Variants in MAGI2 observed in about 807,000 individuals in gnomAD.
MAGI2 encodes the protein membrane associated guanylate kinase, WW and PDZ domain containing 2.
Under a neutral mutation model 133.3 loss-of-function variants are expected in MAGI2, and 35 were observed. The ratio of observed to expected loss-of-function variants is 0.26; its 90% confidence interval spans 0.20 to 0.35. MAGI2 has a LOEUF of 0.35. Among genes scored for constraint, MAGI2 ranks in the 10% least tolerant of loss-of-function variants. The pLI is 1.00. For missense variants in MAGI2, 1,636 were observed against 1,863.4 expected (o/e 0.88, Z 2.25); for synonymous variants, 729 against 710.6 (o/e 1.03, Z -0.41).
Position 78,160,009 on chromosome 7 carries a change from A to T in MAGI2, c.2845+16T>A. On this transcript the variant is annotated intron_variant, in intron 16 of 21. Coordinates refer to ENST00000354212, the MANE Select transcript of MAGI2 (RefSeq NM_012301.4). ...CAAGACCCCTTATTCAAATGCAGGCAAATTTCAGCACTTACTTATAGTGGA... is the reference window on the plus strand; with the variant it reads ...CAAGACCCCTTATTCAAATGCAGGCTAATTTCAGCACTTACTTATAGTGGA... 6.5e-7 allele frequency: 1 copy of T among 1,531,880 alleles called. No individual in the cohort carries two copies. The allele number at this position is 1,531,880 out of a possible 1,614,324, so 94.9% of individuals were successfully genotyped here.
rs191070671 is a variant in MAGI2, at chr7:79,166,345, G to A, written c.302-159139C>T. 5.3e-5 allele frequency among the ~76,000 whole-genome samples: 8 copies of A among 152,168 alleles called. No homozygotes were observed. The South Asian group carries it at 6.2e-4, about 12-fold the overall frequency. On this transcript the variant is annotated intron_variant, in intron 1 of 21. Transcript: ENST00000354212. ...TTCAAAGAAAACTGTCAGGGAACAC[G>A]ACAGCCCATAAGAAGGCAGGGACCC...
At chr7:79,184,748 C>G (rs1292325184) in intron 1 of MAGI2, among the ~76,000 whole-genome samples, 1 of 151,652 alleles carries the variant, frequency 6.6e-6, no homozygotes, top group Non-Finnish European at 1.5e-5. Context: ...GCATTAACTG[C>G]AATTCTGATT....
chr7:78,345,704 C>T, intron 8 of MAGI2: 1 of 573,730 alleles, frequency 1.7e-6, no homozygotes, highest in Non-Finnish European at 3.1e-6. Context: ...ACATGCTGTA[C>T]ATTCCTATAA....
chr7:79,006,770 A>C (rs1376543735), intron 2 of MAGI2: 4 of 208,146 alleles, frequency 1.9e-5, no homozygotes, highest in Admixed American at 1.8e-4. Flanking sequence ...CCCAATGTGG[A>C]GTTCTATCTC....
At chr7:78,165,983 G>A (rs1825584051) in intron 15 of MAGI2, among the ~76,000 whole-genome samples, 1 of 152,128 alleles carries the variant, frequency 6.6e-6, no homozygotes, top group Non-Finnish European at 1.5e-5. Context: ...AAGGAAGAGT[G>A]GGCTGAATAA....
At chr7:79,356,168 G>T (rs1842006518) in intron 1 of MAGI2, among the ~76,000 whole-genome samples, 1 of 152,176 alleles carries the variant, frequency 6.6e-6, no homozygotes, top group East Asian at 1.9e-4. Flanking sequence ...ATGAAAAAAG[G>T]TTAATTCATA....
intron 9 of MAGI2, among the ~76,000 whole-genome samples, chr7:78,319,252 A>T (rs1437764219): frequency 2.6e-5 from 4 of 152,222 alleles, no homozygotes; most frequent in Admixed American, 6.5e-5. Flanking sequence ...CATAGGCTCA[A>T]AATAAAGGGA....
chr7:78,187,137 TAACTA>T (rs1474686513), intron 12 of MAGI2, among the ~76,000 whole-genome samples: 2 of 152,238 alleles, frequency 1.3e-5, no homozygotes, highest in Admixed American at 6.5e-5. Context: ...AGATAAAAAT[TAACTA>T]AACATTACTA....
chr7:78,045,145 G>A (rs1811292054), intron 21 of MAGI2, among the ~76,000 whole-genome samples: 1 of 152,246 alleles, frequency 6.6e-6, no homozygotes, highest in Admixed American at 6.5e-5. Flanking sequence ...CTAGCCTGGC[G>A]ATAGAGCGAG....
rs1794225310 is a variant in MAGI2 at position 78,374,291 on chromosome 7, G to C, written c.1046-5078C>G. Among the ~76,000 whole-genome samples the C allele has an allele frequency of 2.0e-5, 3 of 152,038 alleles. No individual in the cohort carries two copies. In the South Asian group the frequency reaches 6.2e-4, roughly 31 times the overall value. On this transcript the variant is annotated intron_variant, in intron 6 of 21. Transcript: ENST00000354212. ...GTAGGATGGTATCCTTTTGTGGTTT[G>C]AGTTGTGTTTCTCTGATGATTAGTG...
intron 3 of MAGI2, among the ~76,000 whole-genome samples, chr7:78,564,609 G>A (rs113829481): frequency 2.4e-4 from 37 of 151,966 alleles, no homozygotes; most frequent in Admixed American, 3.9e-4. Context: ...CTTAACTGTC[G>A]TCTCTTATAT....
intron 1 of MAGI2, among the ~76,000 whole-genome samples, chr7:79,388,946 AC>A (rs1017696775): frequency 6.6e-6 from 1 of 151,732 alleles, no homozygotes; most frequent in Non-Finnish European, 1.5e-5. Context: ...TAAGTATATA[AC>A]CTTTCCATAA....
chr7:78,114,495 C>T (rs1005908602), intron 20 of MAGI2, among the ~76,000 whole-genome samples: 3 of 152,246 alleles, frequency 2.0e-5, no homozygotes, highest in Non-Finnish European at 4.4e-5. Flanking sequence ...GCCATTCAAT[C>T]CCAGTGGCAG....
At chr7:78,302,692 G>A (rs1006868056) in intron 9 of MAGI2, among the ~76,000 whole-genome samples, 5 of 152,222 alleles carry the variant, frequency 3.3e-5, no homozygotes, top group South Asian at 2.1e-4. Context: ...GACATGAAAG[G>A]CAAAAGGCCC....
intron 9 of MAGI2, among the ~76,000 whole-genome samples, chr7:78,332,447 C>A (rs576171910): frequency 2.1e-4 from 32 of 152,246 alleles, no homozygotes; most frequent in African/African-American, 7.7e-4. Flanking sequence ...GCCTGTAATC[C>A]CAGCATTTCG....
chr7:78,985,636 C>G (rs1805187852), intron 2 of MAGI2, among the ~76,000 whole-genome samples: 1 of 151,956 alleles, frequency 6.6e-6, no homozygotes, highest in Non-Finnish European at 1.5e-5. Context: ...AGTTTCTTTA[C>G]CATGGTTCAC....
intron 1 of MAGI2, among the ~76,000 whole-genome samples, chr7:79,365,408 C>CA (rs74487684): frequency 6.6e-6 from 1 of 151,884 alleles, no homozygotes; most frequent in Middle Eastern, 3.2e-3. Flanking sequence ...TATGTTCACA[C>CA]AAAAAAACTG....
At chr7:78,925,139 C>T (rs182941034) in intron 2 of MAGI2, among the ~76,000 whole-genome samples, 102 of 152,080 alleles carry the variant, frequency 6.7e-4, no homozygotes, top group African/African-American at 2.1e-3. Context: ...CTCCCTTTTA[C>T]GCATCCCAAA....
intron 1 of MAGI2, among the ~76,000 whole-genome samples, chr7:79,010,540 T>A (rs1454291468): frequency 6.6e-6 from 1 of 152,176 alleles, no homozygotes. Flanking sequence ...TTTTCCATAC[T>A]TATAAATTTT....
Sources: gnomAD v4.1 joint callset for allele counts (sites outside exome capture counted in the v4.1 genomes callset) on GRCh38, gnomAD v4.1.1 for gene constraint, MANE v1.5 for transcripts, NCBI Gene and HGNC (gene_info 2026-07-23, HGNC 2026-07-21) for gene names.